The following GRM8 variants were observed in gnomAD, a reference collection of about 807,000 sequenced individuals.
The protein encoded by GRM8 is metabotropic glutamate receptor 8.
Under a neutral mutation model 87.2 loss-of-function variants are expected in GRM8, and 47 were observed. That is an observed-to-expected ratio of 0.54 (90% CI 0.43 to 0.69). GRM8 has a LOEUF of 0.69. Among genes scored for constraint, GRM8 ranks in the 30% least tolerant of loss-of-function variants. The pLI is 0.00. For synonymous variants in GRM8, 396 were observed against 404.5 expected (o/e 0.98, Z 0.25); for missense variants, 1,019 against 1,139.2 (o/e 0.89, Z 1.52).
At chr7:126,646,262 A>AGAAGGAAGGATGGAAGGAAG (rs1803050048) in intron 7 of GRM8, among the ~76,000 whole-genome samples, 1 of 137,842 alleles carries the variant, frequency 7.3e-6, no homozygotes, top group South Asian at 2.4e-4. Flanking sequence ...AAGGAGGGAA[A>AGAAGGAAGGATGGAAGGAAG]GAAGGAAGGA....
intron 8 of GRM8, among the ~76,000 whole-genome samples, chr7:126,550,926 A>T (rs1293877948): frequency 3.3e-5 from 5 of 151,550 alleles, no homozygotes; most frequent in Admixed American, 6.6e-5. Context: ...ATTGAGGGAG[A>T]AAAAAAAGAG....
Position 126,944,480 on chromosome 7 carries a change from C to T in GRM8, c.728-39797G>A, listed in dbSNP as rs78578542. ...GAGGAGAGGATTGGGAAACCCCCAACGCAGCCCAGGGGGCTGAAGCAAAGC... is the reference window on the plus strand; with the variant it reads ...GAGGAGAGGATTGGGAAACCCCCAATGCAGCCCAGGGGGCTGAAGCAAAGC... On this transcript the variant is annotated intron_variant, in intron 3 of 10. Transcript: ENST00000339582. Among the ~76,000 whole-genome samples, 968 of 152,264 alleles carry T rather than the reference C, an allele frequency of 6.4e-3. 12 individuals are homozygous for T. The highest frequency in any genetic ancestry group is 0.022 in the African/African-American group (906 of 41,552).
intron 9 of GRM8, among the ~76,000 whole-genome samples, chr7:126,518,870 TTGAGG>T (rs764976596): frequency 7.2e-5 from 11 of 152,164 alleles, no homozygotes; most frequent in Non-Finnish European, 1.5e-4. Context: ...CTCATCTTAC[TTGAGG>T]TAAGAGGACA....
intron 6 of GRM8, among the ~76,000 whole-genome samples, chr7:126,799,820 C>T (rs2151702739): frequency 6.6e-6 from 1 of 152,242 alleles, no homozygotes; most frequent in East Asian, 1.9e-4. Flanking sequence ...CTCACCTGTC[C>T]AGTTTGCTCC....
At chr7:126,549,925 A>G (rs955051816) in intron 8 of GRM8, among the ~76,000 whole-genome samples, 11 of 152,162 alleles carry the variant, frequency 7.2e-5, no homozygotes, top group African/African-American at 2.4e-4. Flanking sequence ...AACAATAGTT[A>G]TGAAGGATAT....
intron 3 of GRM8, among the ~76,000 whole-genome samples, chr7:126,944,376 C>A (rs1451256393): frequency 6.6e-6 from 1 of 152,140 alleles, no homozygotes; most frequent in East Asian, 1.9e-4. Flanking sequence ...AGAGGCTGGG[C>A]CTGGAGTCCT....
At chr7:126,994,931 T>C (rs1563392897) in intron 3 of GRM8, among the ~76,000 whole-genome samples, 1 of 152,088 alleles carries the variant, frequency 6.6e-6, no homozygotes. Flanking sequence ...ATAGTGGACC[T>C]TGTGTGAGAC....
intron 9 of GRM8, among the ~76,000 whole-genome samples, chr7:126,463,345 G>A (rs1000470943): frequency 1.4e-4 from 21 of 151,586 alleles, no homozygotes; most frequent in African/African-American, 4.6e-4. Context: ...GATACGTATC[G>A]TATAACTGGT....
At chr7:126,834,653 T>C (rs996962637) in intron 6 of GRM8, among the ~76,000 whole-genome samples, 6 of 152,320 alleles carry the variant, frequency 3.9e-5, no homozygotes, top group African/African-American at 1.4e-4. Context: ...AAACCCTGAA[T>C]TGACAAGGCT....
chr7:127,014,088 G>A (rs1226731591), intron 3 of GRM8, among the ~76,000 whole-genome samples: 3 of 152,234 alleles, frequency 2.0e-5, no homozygotes, highest in Non-Finnish European at 2.9e-5. Context: ...AATCAGACAA[G>A]GCACCATCTG....
intron 2 of GRM8, among the ~76,000 whole-genome samples, chr7:127,193,912 C>T (rs1162375508): frequency 6.6e-6 from 1 of 152,152 alleles, no homozygotes; most frequent in Non-Finnish European, 1.5e-5. Context: ...ATCCCAAAAG[C>T]ATCAGCATTC....
At chr7:126,770,353 T>C (rs1280180571) in intron 6 of GRM8, among the ~76,000 whole-genome samples, 1 of 152,136 alleles carries the variant, frequency 6.6e-6, no homozygotes, top group Non-Finnish European at 1.5e-5. Context: ...TTGTGCATTC[T>C]AGTAATTACA....
At chr7:126,583,359 A>T (rs1795796662) in intron 8 of GRM8, among the ~76,000 whole-genome samples, 1 of 151,922 alleles carries the variant, frequency 6.6e-6, no homozygotes, top group Non-Finnish European at 1.5e-5. Context: ...TCTGTCTCAC[A>T]CACACACACA....
intron 8 of GRM8, among the ~76,000 whole-genome samples, chr7:126,565,430 A>G (rs542913973): frequency 6.6e-6 from 1 of 152,280 alleles, no homozygotes; most frequent in African/African-American, 2.4e-5. Flanking sequence ...AAAAATTGGG[A>G]AAACAGTCTC....
chr7:126,763,923 G>T (rs1050775726), intron 7 of GRM8, among the ~76,000 whole-genome samples: 1 of 151,940 alleles, frequency 6.6e-6, no homozygotes, highest in African/African-American at 2.4e-5. Context: ...TATGTTGTAT[G>T]TCTCTCAGTA....
At chr7:126,844,934 T>C (rs746505700) in intron 6 of GRM8, among the ~76,000 whole-genome samples, 2 of 152,222 alleles carry the variant, frequency 1.3e-5, no homozygotes, top group African/African-American at 4.8e-5. Flanking sequence ...ATGAACTTAT[T>C]TGTGAGAGAG....
rs2151347825 is a variant in GRM8 at position 126,685,482 on chromosome 7, G to A, written c.1358-75984C>T. ...CCCAGGCATCTCTGTGTTCCTGGGG[G>A]CCCAGGAAGGCCCCTCTGACCCCTG... On this transcript the variant is annotated intron_variant, in intron 7 of 10. Coordinates refer to ENST00000339582, the MANE Select transcript of GRM8 (RefSeq NM_000845.3). The surrounding 1 kb of genome is among the most constrained non-coding windows in gnomAD (Gnocchi z 4.2). Among the ~76,000 whole-genome samples the A allele has an allele frequency of 6.6e-6, 1 of 152,210 alleles. No homozygotes were observed. Among genetic ancestry groups the A allele is most frequent in the African/African-American group, 2.4e-5 (1 of 41,546 alleles).
intron 7 of GRM8, among the ~76,000 whole-genome samples, chr7:126,686,110 C>A (rs1411168117): frequency 6.6e-6 from 1 of 151,274 alleles, no homozygotes; most frequent in African/African-American, 2.4e-5. Context: ...GTTGAGGAGA[C>A]AATGGGATGA....
At chr7:127,153,653 T>A (rs189429110) in intron 2 of GRM8, among the ~76,000 whole-genome samples, 3 of 152,268 alleles carry the variant, frequency 2.0e-5, no homozygotes, top group East Asian at 1.9e-4. Context: ...TTGAGAAGCA[T>A]CAAATCTCTC....
Sources: gnomAD v4.1 joint callset for allele counts (sites outside exome capture counted in the v4.1 genomes callset) on GRCh38, gnomAD v4.1.1 for gene constraint, Gnocchi (gnomAD v3.1) non-coding constraint, MANE v1.5 for transcripts, NCBI Gene and HGNC (gene_info 2026-07-23, HGNC 2026-07-21) for gene names.